NCEH1: variants seen among roughly 807,000 people sequenced by gnomAD.
NCEH1 encodes the protein 2-acetyl MAGE hydrolase.
NCEH1 carries 9 observed loss-of-function variants against 25.4 expected under a neutral mutation model. That is an observed-to-expected ratio of 0.35 (90% CI 0.21 to 0.62). The LOEUF is 0.62. Among genes scored for constraint, NCEH1 ranks in the 20% least tolerant of loss-of-function variants. NCEH1 has a pLI of 0.72. For synonymous variants in NCEH1, 200 were observed against 199.8 expected (o/e 1.00, Z -0.01); for missense variants, 412 against 501.1 (o/e 0.82, Z 1.70).
At chr3:172,689,488 C>G (rs1712901918) in intron 1 of NCEH1, among the ~76,000 whole-genome samples, 1 of 151,496 alleles carries the variant, frequency 6.6e-6, no homozygotes, top group Non-Finnish European at 1.5e-5. Flanking sequence ...CTCAGGTGAT[C>G]TACCCGACTC....
intron 3 of NCEH1, among the ~76,000 whole-genome samples, chr3:172,640,892 C>A (rs1483386756): frequency 6.6e-6 from 1 of 152,098 alleles, no homozygotes; most frequent in African/African-American, 2.4e-5. Flanking sequence ...GCCTCAAATT[C>A]CTGGCCACAA....
intron 1 of NCEH1, among the ~76,000 whole-genome samples, chr3:172,664,680 C>A (rs1333283180): frequency 6.6e-6 from 1 of 152,164 alleles, no homozygotes; most frequent in Non-Finnish European, 1.5e-5. Context: ...TTTCTCTAAA[C>A]TTCTCTTCTT....
intron 1 of NCEH1, among the ~76,000 whole-genome samples, chr3:172,677,561 G>C (rs497316): frequency 1.1e-4 from 17 of 149,652 alleles, no homozygotes; most frequent in Non-Finnish European, 1.8e-4. Flanking sequence ...TATTACACTC[G>C]TATGCTCATT....
At chr3:172,700,768 G>A (rs368582711) in intron 1 of NCEH1, among the ~76,000 whole-genome samples, 1 of 152,018 alleles carries the variant, frequency 6.6e-6, no homozygotes, top group Non-Finnish European at 1.5e-5. Flanking sequence ...ACCGTGCCTG[G>A]CCCTGATCAT....
At chr3:172,689,643 G>A (rs550742424) in intron 1 of NCEH1, among the ~76,000 whole-genome samples, 85 of 146,770 alleles carry the variant, frequency 5.8e-4, no homozygotes, top group South Asian at 3.4e-3. Flanking sequence ...GCCAGGAGGC[G>A]GAGATTGCAA....
intron 1 of NCEH1, among the ~76,000 whole-genome samples, chr3:172,650,971 C>T (rs1717378481): frequency 6.7e-6 from 1 of 148,300 alleles, no homozygotes; most frequent in East Asian, 2.0e-4. Context: ...TAGAGTTATA[C>T]TAGAGCCAAT....
At chr3:172,643,293 G>A (rs1233858479) in intron 3 of NCEH1, among the ~76,000 whole-genome samples, 4 of 152,022 alleles carry the variant, frequency 2.6e-5, no homozygotes, top group Non-Finnish European at 4.4e-5. Flanking sequence ...GGCTGGACTC[G>A]AACTCCTGGG....
chr3:172,679,589 G>T (rs58518552), intron 1 of NCEH1, among the ~76,000 whole-genome samples: 2,582 of 151,020 alleles, frequency 0.017, 26 homozygotes, highest in Non-Finnish European at 0.026. Context: ...ATAATACAGG[G>T]GTTATTAACA....
intron 1 of NCEH1, among the ~76,000 whole-genome samples, chr3:172,682,798 C>G (rs895370063): frequency 2.0e-5 from 3 of 152,156 alleles, no homozygotes; most frequent in Non-Finnish European, 4.4e-5. Flanking sequence ...CTGGAGGAGA[C>G]ACAGAATGCA....
chr3:172,636,110 CATTT>C (rs1407096962), intron 3 of NCEH1, 23 bp from the exon 4 acceptor site: 1 of 1,570,404 alleles, frequency 6.4e-7, no homozygotes, highest in Admixed American at 1.7e-5. Flanking sequence ...AAGTTGTATT[CATTT>C]AAGGCCTTCT....
chr3:172,678,507 A>G (rs1712146392), intron 1 of NCEH1, among the ~76,000 whole-genome samples: 1 of 152,240 alleles, frequency 6.6e-6, no homozygotes, highest in Non-Finnish European at 1.5e-5. Flanking sequence ...CGTTTAGTCT[A>G]TTGAAAGATC....
chr3:172,677,018 T>C (rs1712045171), intron 1 of NCEH1, among the ~76,000 whole-genome samples: 1 of 152,208 alleles, frequency 6.6e-6, no homozygotes, highest in African/African-American at 2.4e-5. Flanking sequence ...CCCAAGCTGC[T>C]AAAAGCCTCC....
intron 1 of NCEH1, among the ~76,000 whole-genome samples, chr3:172,670,932 C>A (rs578189307): frequency 2.6e-4 from 40 of 152,258 alleles, no homozygotes; most frequent in African/African-American, 8.9e-4. Context: ...AGATAAATGA[C>A]TTCCCAGAGA....
intron 1 of NCEH1, among the ~76,000 whole-genome samples, chr3:172,653,752 G>GTTT (rs375874414): frequency 0.015 from 1,218 of 83,800 alleles, 20 homozygotes; most frequent in Non-Finnish European, 0.02. Flanking sequence ...TTGTTTTTTT[G>GTTT]TTTTTTTGTT....
intron 1 of NCEH1, among the ~76,000 whole-genome samples, chr3:172,706,082 T>C (rs1054920599): frequency 6.6e-6 from 1 of 150,548 alleles, no homozygotes; most frequent in Non-Finnish European, 1.5e-5. Context: ...CTCTTCAACC[T>C]GGTGCCTTCA....
At chr3:172,659,142 T>A (rs1052403429) in intron 1 of NCEH1, among the ~76,000 whole-genome samples, 2 of 152,106 alleles carry the variant, frequency 1.3e-5, no homozygotes, top group Non-Finnish European at 2.9e-5. Context: ...TTGCCATTCA[T>A]GAGTGTAGGA....
chr3:172,637,179 G>A (rs1453246588), intron 3 of NCEH1, among the ~76,000 whole-genome samples: 1 of 152,062 alleles, frequency 6.6e-6, no homozygotes, highest in Non-Finnish European at 1.5e-5. Context: ...CAATGTGAGG[G>A]GCACATAATC....
chr3:172,677,748 G>A (rs542748069), intron 1 of NCEH1, among the ~76,000 whole-genome samples: 1 of 152,320 alleles, frequency 6.6e-6, no homozygotes, highest in South Asian at 2.1e-4. Context: ...CTAACACAGC[G>A]AAACCCCGTC....
At chr3:172,664,372 T>C (rs981389100) in intron 1 of NCEH1, among the ~76,000 whole-genome samples, 1 of 152,192 alleles carries the variant, frequency 6.6e-6, no homozygotes, top group African/African-American at 2.4e-5. Flanking sequence ...ACCTGACCTT[T>C]CTCTCTGGCT....
Sources: gnomAD v4.1 joint callset for allele counts (sites outside exome capture counted in the v4.1 genomes callset) on GRCh38, gnomAD v4.1.1 for gene constraint, MANE v1.5 for transcripts, NCBI Gene and HGNC (gene_info 2026-07-23, HGNC 2026-07-21) for gene names.